Variants in TECPR1 observed in about 807,000 individuals in gnomAD.
TECPR1 encodes the protein tectonin beta-propeller repeat-containing protein 1.
Under a neutral mutation model 162.4 loss-of-function variants are expected in TECPR1, and 122 were observed. That is an observed-to-expected ratio of 0.75 (90% CI 0.65 to 0.87). TECPR1 has a LOEUF of 0.87. Ranked by LOEUF, TECPR1 falls within the 40% of genes least tolerant of loss-of-function variation. The pLI, the probability that TECPR1 is intolerant of heterozygous loss-of-function variation, is 0.00. For synonymous variants in TECPR1, 642 were observed against 670.6 expected (o/e 0.96, Z 0.66); for missense variants, 1,432 against 1,618.2 (o/e 0.88, Z 1.97).
chr7:98,243,438 G>A (rs778843570), intron 6 of TECPR1, 29 bp downstream of exon 6: 4 of 1,610,352 alleles, frequency 2.5e-6, no homozygotes, highest in Admixed American at 1.7e-5. Flanking sequence ...ATCGTGGGGA[G>A]CCAGGGCAGG....
Position 98,244,700 on chromosome 7 carries a change from C to T in TECPR1, c.409-7G>A, listed in dbSNP as rs766144406. The T allele has an allele frequency of 6.2e-7, 1 of 1,604,942 alleles. No homozygotes were observed. The highest frequency in any genetic ancestry group is 2.2e-5 in the East Asian group (1 of 44,688). The stretch of plus-strand genomic sequence containing the variant: ...CGATGGCGTACGTCCACCCCTGAAA[C>T]ACCAAGGAAGGGGCTCTCAGGCTCT... On this transcript the variant is annotated splice_region_variant and splice_polypyrimidine_tract_variant and intron_variant, in intron 4 of 25. Coordinates refer to ENST00000447648, the MANE Select transcript of TECPR1 (RefSeq NM_015395.3).
Position 98,221,656 on chromosome 7 carries a change from C to T in TECPR1, c.3157+5G>A. ...CATTAAAAATTTAAAAAAAGAGCAACTTGCCATTCTCATCCAGGGCATACA... is the reference window on the plus strand; with the variant it reads ...CATTAAAAATTTAAAAAAAGAGCAATTTGCCATTCTCATCCAGGGCATACA... On this transcript the variant is annotated splice_donor_5th_base_variant and intron_variant, in intron 23 of 25. Transcript: ENST00000447648. 5 of 1,612,810 alleles carry T rather than the reference C, an allele frequency of 3.1e-6. No individual in the cohort carries two copies. Among genetic ancestry groups the T allele is most frequent in the Non-Finnish European group, 4.2e-6 (5 of 1,179,540 alleles).
intron 19 of TECPR1, among the ~76,000 whole-genome samples, chr7:98,224,572 C>T (rs1176890105): frequency 6.6e-6 from 1 of 152,188 alleles, no homozygotes; most frequent in Non-Finnish European, 1.5e-5. Flanking sequence ...CCGTGCCACA[C>T]ATGGAGGCCA....
At position 98,228,092 on chromosome 7, in the gene TECPR1, A is replaced by T; in HGVS notation, c.2435T>A (p.Ile812Asn). The T allele has an allele frequency of 6.2e-7, 1 of 1,612,324 alleles. No homozygotes were observed. Among genetic ancestry groups the T allele is most frequent in the Non-Finnish European group, 8.5e-7 (1 of 1,179,418 alleles). The change falls in exon 17 of 26, where the codon ATC becomes AAC. Residue 812 changes from isoleucine (I) to asparagine (N), a missense_variant. Transcript: ENST00000447648. ...FQGLASSTSN[I>N]YTQSDVKCVH... Reference sequence around the variant, plus strand: ...ACACTTCACGTCTGACTGCGTGTAGATGTTACTGGTGCTGCTGGCCAGGCC... The same window carrying T: ...ACACTTCACGTCTGACTGCGTGTAGTTGTTACTGGTGCTGCTGGCCAGGCC...
chr7:98,245,772 C>T, intron 3 of TECPR1, 150 bp downstream of exon 3: 1 of 761,910 alleles, frequency 1.3e-6, no homozygotes, highest in Non-Finnish European at 2.1e-6. Flanking sequence ...CCACGCCTGG[C>T]AGCAACACAG....
Position 98,230,954 on chromosome 7 carries a change from C to T in TECPR1, c.2282+7G>A. On this transcript the variant is annotated splice_region_variant and intron_variant, in intron 15 of 25. Transcript: ENST00000447648. ...CCCAGACCCCACCCAGAGTGCGGCT[C>T]ACTCACATCTGGTCGCAGGGCAGGG... 1.2e-6 allele frequency: 2 copies of T among 1,609,142 alleles called. No individual in the cohort carries two copies. Among genetic ancestry groups the T allele is most frequent in the Non-Finnish European group, 1.7e-6 (2 of 1,177,990 alleles).
Position 98,243,338 on chromosome 7 carries a change from G to C in TECPR1, c.657+129C>G, listed in dbSNP as rs73406076. On this transcript the variant is annotated intron_variant, in intron 6 of 25. Transcript: ENST00000447648. ...ACGCTGGGGGCTCGGAGGAGAGAAAGGCCAGGAGCAGGCATGGGGTGGGGG... is the reference window on the plus strand; with the variant it reads ...ACGCTGGGGGCTCGGAGGAGAGAAACGCCAGGAGCAGGCATGGGGTGGGGG... 1,600 of 1,305,052 alleles carry C rather than the reference G, an allele frequency of 1.2e-3. 19 individuals are homozygous for C. In the African/African-American group the frequency reaches 0.022, roughly 18 times the overall value. The allele number at this position is 1,305,052 out of a possible 1,614,324, so 80.8% of individuals were successfully genotyped here.
intron 10 of TECPR1, among the ~76,000 whole-genome samples, chr7:98,235,053 T>G (rs555494403): frequency 6.6e-6 from 1 of 152,340 alleles, no homozygotes; most frequent in African/African-American, 2.4e-5. Context: ...CTTGATAATG[T>G]CCTTTTGATT....
intron 10 of TECPR1, among the ~76,000 whole-genome samples, chr7:98,235,100 C>A (rs958338877): frequency 1.3e-5 from 2 of 152,176 alleles, no homozygotes; most frequent in African/African-American, 4.8e-5. Flanking sequence ...TCCAATTTAT[C>A]TGTATTTCCT....
rs1472247517 is a variant in TECPR1 at position 98,236,861 on chromosome 7, C to T, written c.1096G>A (p.Glu366Lys). Residue 366 changes from glutamate (E) to lysine (K), a missense_variant, in exon 10 of 26, where the codon GAG becomes AAG. Glu to Lys is a moderately conservative substitution (Grantham distance 56, BLOSUM62 1). Transcript: ENST00000447648. ...VYFRQGVTPS[E>K]LSGKTWKAII... ...GCTTTCCAGGTCTTCCCACTGAGCTCGCTGGGGGTGACACCCTGCCGGAAG... is the reference window on the plus strand; with the variant it reads ...GCTTTCCAGGTCTTCCCACTGAGCTTGCTGGGGGTGACACCCTGCCGGAAG... The T allele has an allele frequency of 2.5e-6, 4 of 1,582,380 alleles. No homozygotes were observed. Among genetic ancestry groups the T allele is most frequent in the African/African-American group, 2.7e-5 (2 of 73,162 alleles).
chr7:98,244,913 T>G lies in TECPR1; in HGVS notation c.380A>C (p.Asn127Thr), dbSNP rs1238617768. The change falls in exon 4 of 26, where the codon AAT (asparagine) becomes ACT (threonine). Residue 127 changes from asparagine to threonine, a missense_variant. By Grantham distance (65) the Asn-to-Thr change is moderately conservative (BLOSUM62 0). Transcript: ENST00000447648. The part of the protein sequence containing the change: ...EWESDWYVDE[N>T]FGGEPTEKGG... Reference sequence around the variant, plus strand: ...TTTCTCAGTGGGTTCACCTCCAAAATTCTCATCCACGTACCAGTCAGACTC... The same window carrying G: ...TTTCTCAGTGGGTTCACCTCCAAAAGTCTCATCCACGTACCAGTCAGACTC... The G allele has an allele frequency of 6.2e-7, 1 of 1,612,906 alleles. No homozygotes were observed. The highest frequency in any genetic ancestry group is 8.5e-7 in the Non-Finnish European group (1 of 1,179,822).
intron 2 of TECPR1, among the ~76,000 whole-genome samples, chr7:98,249,769 G>A (rs953700922): frequency 6.6e-6 from 1 of 152,156 alleles, no homozygotes; most frequent in Non-Finnish European, 1.5e-5. Context: ...GGCCAACACG[G>A]TGAAACCCGT....
intron 8 of TECPR1, 56 bp from the exon 9 acceptor site, chr7:98,238,666 C>G: frequency 7.0e-7 from 1 of 1,437,280 alleles, no homozygotes; most frequent in Non-Finnish European, 9.6e-7. Context: ...ACAGACGGTT[C>G]GTTCGTTTAA....
intron 2 of TECPR1, among the ~76,000 whole-genome samples, chr7:98,249,582 A>C (rs1206172050): frequency 6.6e-6 from 1 of 152,158 alleles, no homozygotes; most frequent in Non-Finnish European, 1.5e-5. Flanking sequence ...AGAATGCTGC[A>C]TTCTGGGATC....
At chr7:98,245,819 G>C (rs1055994748) in intron 3 of TECPR1, 103 bp downstream of exon 3, 2 of 1,060,736 alleles carry the variant, frequency 1.9e-6, no homozygotes, top group African/African-American at 1.6e-5. Context: ...GGCAGGAACT[G>C]GTGGGGAATC....
At chr7:98,239,892 T>C (rs1430249383) in intron 8 of TECPR1, among the ~76,000 whole-genome samples, 2 of 151,958 alleles carry the variant, frequency 1.3e-5, no homozygotes, top group Non-Finnish European at 2.9e-5. Context: ...GGGCGGATCA[T>C]GAGGTCAGGA....
chr7:98,231,635 C>T (rs1176069184), intron 13 of TECPR1, 169 bp downstream of exon 13: 2 of 821,770 alleles, frequency 2.4e-6, no homozygotes, highest in Non-Finnish European at 3.6e-6. Context: ...CTTCCCCGGG[C>T]ACCCCCATTT....
At position 98,217,402 on chromosome 7, in the gene TECPR1, G is replaced by A. The variant is rs758608235; in HGVS notation, c.3486C>T (p.Pro1162=). ...GTGTGGGGGGGCCTCAGCAGCAGAC[G>A]GGGCCATGGGCCTCTGGTGGGGCAC... ...EPSAPPEAHG[P]VCC The change falls in exon 26 of 26, where the codon CCC becomes CCT. Residue 1162 remains proline (P), a synonymous_variant. Coordinates refer to ENST00000447648, the MANE Select transcript of TECPR1 (RefSeq NM_015395.3). 8.8e-6 allele frequency: 14 copies of A among 1,591,678 alleles called. No homozygotes were observed. The highest frequency in any genetic ancestry group is 4.5e-5 in the South Asian group (4 of 89,060).
chr7:98,238,080 T>C lies in TECPR1; in HGVS notation c.1035+429A>G, dbSNP rs917015703. ...GAGCCACCACACCTGGCCGTGGTGT[T>C]TTTTTTTTAAGATGTAAAGTAACTT... On this transcript the variant is annotated intron_variant, in intron 9 of 25. Transcript: ENST00000447648. 4.0e-5 allele frequency among the ~76,000 whole-genome samples: 6 copies of C among 151,614 alleles called. 1 individual carries two copies. Among genetic ancestry groups the C allele is most frequent in the Admixed American group, 3.9e-4 (6 of 15,202 alleles).
Sources: gnomAD v4.1 joint callset for allele counts (sites outside exome capture counted in the v4.1 genomes callset) on GRCh38, gnomAD v4.1.1 for gene constraint, MANE v1.5 for transcripts, NCBI Gene and HGNC (gene_info 2026-07-23, HGNC 2026-07-21) for gene names.